Variants in UNC79 observed in about 807,000 individuals in gnomAD.
UNC79 encodes the protein unc-79 subunit of NALCN channel complex, also known as protein unc-79 homolog.
Under a neutral mutation model 283.1 loss-of-function variants are expected in UNC79, and 37 were observed. The ratio of observed to expected loss-of-function variants is 0.13; its 90% confidence interval spans 0.10 to 0.17. The LOEUF (loss-of-function observed/expected upper bound fraction) is 0.17, where lower values mean the gene tolerates loss of function less well. UNC79 is among the 10% of genes least tolerant of loss of function. The pLI, the probability that UNC79 is intolerant of heterozygous loss-of-function variation, is 1.00. For missense variants in UNC79, 2,272 were observed against 3,211.1 expected (o/e 0.71, Z 7.07); for synonymous variants, 1,107 against 1,200.2 (o/e 0.92, Z 1.61).
chr14:93,406,447 G>T (rs1026736608), intron 1 of UNC79, among the ~76,000 whole-genome samples: 1 of 152,012 alleles, frequency 6.6e-6, no homozygotes. Flanking sequence ...AATTAGTCAG[G>T]CATGGTAACA....
At chr14:93,566,767 A>G (rs1313177118) in intron 14 of UNC79, among the ~76,000 whole-genome samples, 1 of 151,058 alleles carries the variant, frequency 6.6e-6, no homozygotes, top group Non-Finnish European at 1.5e-5. Flanking sequence ...CCTCCTGAGT[A>G]GCTGCGACTA....
At chr14:93,347,460 G>T in intron 1 of UNC79, 1 of 1,383,992 alleles carries the variant, frequency 7.2e-7, no homozygotes. Flanking sequence ...GCCCCGACGG[G>T]TGGGGAGAAG....
At chr14:93,539,057 C>G (rs1442647065) in intron 12 of UNC79, among the ~76,000 whole-genome samples, 3 of 150,984 alleles carry the variant, frequency 2.0e-5, no homozygotes, top group Non-Finnish European at 3.0e-5. Context: ...TGCGCACCCC[C>G]ACGCCCGGCT....
chr14:93,385,847 G>A (rs1026060973), intron 1 of UNC79, among the ~76,000 whole-genome samples: 12 of 150,772 alleles, frequency 8.0e-5, no homozygotes, highest in African/African-American at 2.4e-4. Context: ...TACTGAATTT[G>A]TTTATCAGTC....
chr14:93,512,970 A>T (rs2059896361), intron 7 of UNC79, among the ~76,000 whole-genome samples: 1 of 151,716 alleles, frequency 6.6e-6, no homozygotes, highest in Admixed American at 6.6e-5. Context: ...TGTTGTAGAG[A>T]CTCTGAACTA....
At chr14:93,705,511 A>G (rs1157650750) in intron 48 of UNC79, among the ~76,000 whole-genome samples, 7 of 152,208 alleles carry the variant, frequency 4.6e-5, no homozygotes, top group African/African-American at 1.7e-4. Context: ...ATTGAGCTAC[A>G]AGGAACCTAC....
At chr14:93,536,570 C>T (rs997895362) in intron 11 of UNC79, among the ~76,000 whole-genome samples, 2 of 152,158 alleles carry the variant, frequency 1.3e-5, no homozygotes, top group Admixed American at 1.3e-4. Flanking sequence ...CCATTAAAAA[C>T]ATGGGCTCTT....
At position 93,347,961 on chromosome 14, in the gene UNC79, T is replaced by A. The variant is rs2053899280; in HGVS notation, c.-351+14438T>A. ...CTCAAAATGTTTTTTTTAAGCACTT[T>A]TTGTTAGGCAGCAAGTCACTGGCCT... On this transcript the variant is annotated intron_variant, in intron 1 of 49. Transcript: ENST00000256339. 4.2e-6 allele frequency: 4 copies of A among 958,140 alleles called. No homozygotes were observed. In the East Asian group the frequency reaches 9.7e-5, roughly 23 times the overall value. The allele number at this position is 958,140 out of a possible 1,614,324, so 59.4% of individuals were successfully genotyped here. A position where few individuals can be genotyped will look rare whatever the true frequency, so the allele number is the denominator to read the frequency against.
chr14:93,393,550 A>G (rs369760909), intron 1 of UNC79, among the ~76,000 whole-genome samples: 2 of 152,248 alleles, frequency 1.3e-5, no homozygotes, highest in African/African-American at 2.4e-5. Flanking sequence ...AAAGTATTAC[A>G]TAAGTATTCT....
Position 93,474,338 on chromosome 14 carries a change from C to T in UNC79, c.393C>T (p.Tyr131=), listed in dbSNP as rs1172510316. ...CTTCTTTGGACTACCAAGGCCTCTA[C>T]GTGACTTTGGTGACCCTCCTGGATC... The change falls in exon 3 of 49, where the codon TAC becomes TAT. Residue 131 remains tyrosine, a synonymous_variant. Transcript: ENST00000555664. The surrounding 1 kb of genome is among the most constrained non-coding windows in gnomAD (Gnocchi z 4.1). The T allele has an allele frequency of 1.1e-5, 17 of 1,535,926 alleles. No homozygotes were observed. The highest frequency in any genetic ancestry group is 1.4e-5 in the Non-Finnish European group (16 of 1,146,862).
At chr14:93,707,117 TTC>T (rs1700609256), downstream of UNC79, 3 of 444,408 alleles carry the variant, frequency 6.8e-6, no homozygotes, top group African/African-American at 6.0e-5. Flanking sequence ...GATTAAGTGT[TTC>T]CTTACATTAT....
chr14:93,619,723 A>C (rs942028494), intron 29 of UNC79, among the ~76,000 whole-genome samples: 1 of 152,242 alleles, frequency 6.6e-6, no homozygotes, highest in African/African-American at 2.4e-5. Flanking sequence ...GAACAGGGTC[A>C]GTCCTTAAAA....
At chr14:93,384,497 T>G (rs2054729547) in intron 1 of UNC79, among the ~76,000 whole-genome samples, 1 of 152,240 alleles carries the variant, frequency 6.6e-6, no homozygotes, top group East Asian at 1.9e-4. Flanking sequence ...TTTGTATGTT[T>G]TCTTTGGAGA....
At chr14:93,518,102 A>T (rs552481521) in intron 7 of UNC79, among the ~76,000 whole-genome samples, 2 of 152,106 alleles carry the variant, frequency 1.3e-5, no homozygotes, top group African/African-American at 2.4e-5. Context: ...TTTACAGAGT[A>T]ATACTGACCT....
chr14:93,451,339 T>C (rs549122198), intron 1 of UNC79, among the ~76,000 whole-genome samples: 69 of 152,256 alleles, frequency 4.5e-4, no homozygotes, highest in African/African-American at 1.7e-3. Flanking sequence ...AGACCTTTCC[T>C]CTTTGACTTA....
intron 14 of UNC79, among the ~76,000 whole-genome samples, chr14:93,568,174 C>T (rs1353914033): frequency 2.6e-5 from 4 of 152,122 alleles, no homozygotes; most frequent in African/African-American, 9.7e-5. Flanking sequence ...CTTTGTATGA[C>T]TATTAATGGG....
chr14:93,351,692 GGAGA>G (rs139340225), intron 1 of UNC79, among the ~76,000 whole-genome samples: 1 of 151,976 alleles, frequency 6.6e-6, no homozygotes, highest in East Asian at 1.9e-4. Context: ...ATTTATATAT[GGAGA>G]GAGAGAGAGA....
chr14:93,480,720 T>G (rs1215808980), intron 4 of UNC79, among the ~76,000 whole-genome samples: 1 of 152,164 alleles, frequency 6.6e-6, no homozygotes, highest in East Asian at 1.9e-4. Flanking sequence ...TGTGAGAATG[T>G]GTGTCCGTGT....
chr14:93,341,503 G>A (rs139573250), intron 1 of UNC79, among the ~76,000 whole-genome samples: 1 of 151,776 alleles, frequency 6.6e-6, no homozygotes, highest in East Asian at 1.9e-4. Context: ...GGTGGTTTAT[G>A]CCTGCAATCC....
Sources: gnomAD v4.1 joint callset for allele counts (sites outside exome capture counted in the v4.1 genomes callset) on GRCh38, gnomAD v4.1.1 for gene constraint, Gnocchi (gnomAD v3.1) non-coding constraint, MANE v1.5 for transcripts, NCBI Gene and HGNC (gene_info 2026-07-23, HGNC 2026-07-21) for gene names.